HDAC11: variants seen among roughly 807,000 people sequenced by gnomAD.
The protein encoded by HDAC11 is histone deacetylase 11.
Under a neutral mutation model 41.1 loss-of-function variants are expected in HDAC11, and 23 were observed. The ratio of observed to expected loss-of-function variants is 0.56; its 90% CI spans 0.40 to 0.79. The LOEUF is 0.79. HDAC11 is among the 30% of genes least tolerant of loss of function. The probability of loss-of-function intolerance (pLI) is 0.00; values close to 1 mark genes in which losing one functional copy is unlikely to be tolerated. For missense variants in HDAC11, 402 were observed against 477.3 expected, an observed-to-expected ratio of 0.84 and a Z score of 1.47; for synonymous variants, 187 against 186.6, an observed-to-expected ratio of 1.00 and a Z score of -0.02.
intron 4 of HDAC11, 97 bp from the exon 5 acceptor site, chr3:13,498,416 C>A: frequency 1.4e-6 from 2 of 1,473,872 alleles, no homozygotes; most frequent in Non-Finnish European, 1.9e-6. Flanking sequence ...CCAGAGCTGG[C>A]TAGAAGCAGT....
intron 1 of HDAC11, 159 bp from the exon 2 acceptor site, chr3:13,481,087 C>T (rs1701293435): frequency 5.4e-6 from 4 of 735,646 alleles, no homozygotes; most frequent in East Asian, 2.7e-5. Flanking sequence ...CCGGGAAAGG[C>T]AGCCAGTTTA....
chr3:13,484,970 C>T (rs1327789092), intron 3 of HDAC11, among the ~76,000 whole-genome samples: 1 of 152,160 alleles, frequency 6.6e-6, no homozygotes, highest in Non-Finnish European at 1.5e-5. Flanking sequence ...AGTGTGGGAG[C>T]CCTGACCCCC....
chr3:13,503,164 A>C, intron 8 of HDAC11, 184 bp downstream of exon 8: 1 of 502,574 alleles, frequency 2.0e-6, no homozygotes, highest in Non-Finnish European at 3.6e-6. Flanking sequence ...GACCCACCCA[A>C]GATCACATAA....
At position 13,504,084 on chromosome 3, in the gene HDAC11, T is replaced by G. The variant is rs1355199439; in HGVS notation, c.650-10T>G. On this transcript the variant is annotated splice_polypyrimidine_tract_variant and intron_variant, in intron 8 of 9. Transcript: ENST00000295757. ...TCTATAAATTGAGGCCATCCATGTCTCTCTCCCAGAGGCCATCAGGCGGAA... is the reference window on the plus strand; with the variant it reads ...TCTATAAATTGAGGCCATCCATGTCGCTCTCCCAGAGGCCATCAGGCGGAA... 6.2e-7 allele frequency: 1 copy of G among 1,613,354 alleles called. No individual in the cohort carries two copies. The highest frequency in any genetic ancestry group is 8.5e-7 in the Non-Finnish European group (1 of 1,179,694).
At chr3:13,498,432 T>C (rs1702205362) in intron 4 of HDAC11, 81 bp from the exon 5 acceptor site, 8 of 1,552,016 alleles carry the variant, frequency 5.2e-6, no homozygotes, top group South Asian at 3.3e-5. Context: ...GCAGTGTTTA[T>C]GGAATGAGTG....
chr3:13,482,450 C>T (rs1007369668), intron 2 of HDAC11, among the ~76,000 whole-genome samples: 4 of 152,158 alleles, frequency 2.6e-5, no homozygotes, highest in Non-Finnish European at 5.9e-5. Context: ...GCAGGTGTTG[C>T]GAGGCCATGC....
intron 3 of HDAC11, among the ~76,000 whole-genome samples, chr3:13,495,737 T>G (rs955694760): frequency 6.6e-6 from 1 of 152,160 alleles, no homozygotes; most frequent in Non-Finnish European, 1.5e-5. Flanking sequence ...ACCCACCTTC[T>G]CTAGATCATG....
intron 2 of HDAC11, among the ~76,000 whole-genome samples, chr3:13,481,747 A>C (rs868069617): frequency 5.0e-4 from 76 of 152,132 alleles, no homozygotes; most frequent in African/African-American, 1.7e-3. Context: ...CCTCCACCGC[A>C]CCTCTCTTGA....
In HDAC11 at chr3:13,504,725, C is replaced by A. The variant is rs776640607; in HGVS notation, c.*42C>A. On this transcript the variant is annotated 3_prime_UTR_variant, in exon 10 of 10. Coordinates refer to ENST00000295757, the MANE Select transcript of HDAC11 (RefSeq NM_024827.4). ...TGTCACGTGGCCCTGCCTATCCGCC[C>A]CTTAGTGCTTTTTGTTTTCTAACCT... 2 of 1,555,208 alleles carry A rather than the reference C, an allele frequency of 1.3e-6. No individual in the cohort carries two copies. The highest frequency in any genetic ancestry group is 1.8e-6 in the Non-Finnish European group (2 of 1,128,488).
chr3:13,483,663 G>T (rs1385879704), intron 3 of HDAC11, 99 bp downstream of exon 3: 1 of 842,310 alleles, frequency 1.2e-6, no homozygotes, highest in East Asian at 2.4e-5. Context: ...GGGAAGCCAA[G>T]TCTCACAGGG....
Position 13,504,750 on chromosome 3 carries a change from T to C in HDAC11, c.*67T>C, listed in dbSNP as rs888427302. On this transcript the variant is annotated 3_prime_UTR_variant, in exon 10 of 10. Coordinates refer to ENST00000295757, the MANE Select transcript of HDAC11 (RefSeq NM_024827.4). ...CCTTAGTGCTTTTTGTTTTCTAACCTCATGGGGTGGTGGAGGCAGCCTTCA... is the reference window on the plus strand; with the variant it reads ...CCTTAGTGCTTTTTGTTTTCTAACCCCATGGGGTGGTGGAGGCAGCCTTCA... The C allele has an allele frequency of 7.1e-6, 10 of 1,407,686 alleles. No individual in the cohort carries two copies. The African/African-American group carries it at 1.4e-4, about 20-fold the overall frequency. 87.2% of individuals were successfully genotyped at this position (1,407,686 alleles called of 1,614,324 possible).
Position 13,504,182 on chromosome 3 carries a change from C to G in HDAC11, c.738C>G (p.Leu246=). 6.2e-7 allele frequency: 1 copy of G among 1,614,032 alleles called. No homozygotes were observed. ...DKVERNIKKS[L]QEHLPDVVVY... Reference sequence around the variant, plus strand: ...TGGAGAGGAACATCAAGAAATCCCTCCAGGAGCACCTGCCCGACGTGGTGG... The same window carrying G: ...TGGAGAGGAACATCAAGAAATCCCTGCAGGAGCACCTGCCCGACGTGGTGG... Residue 246 remains leucine, a synonymous_variant, in exon 9 of 10, where the codon CTC becomes CTG. Transcript: ENST00000295757.
At chr3:13,483,128 T>A (rs903278907) in intron 2 of HDAC11, among the ~76,000 whole-genome samples, 7 of 151,378 alleles carry the variant, frequency 4.6e-5, no homozygotes, top group South Asian at 2.1e-4. Flanking sequence ...TAAGAAGAGT[T>A]TTTCTCACTC....
At chr3:13,485,991 G>C (rs1225073561) in intron 3 of HDAC11, among the ~76,000 whole-genome samples, 1 of 79,900 alleles carries the variant, frequency 1.3e-5, no homozygotes, top group Non-Finnish European at 3.7e-5. Flanking sequence ...AAGTAGGCCG[G>C]GTGCAGTGAC....
At chr3:13,481,918 C>T (rs184738141) in intron 2 of HDAC11, among the ~76,000 whole-genome samples, 6 of 152,314 alleles carry the variant, frequency 3.9e-5, no homozygotes, top group Non-Finnish European at 8.8e-5. Flanking sequence ...ATTTTTCTGC[C>T]TCAGCCTCCC....
chr3:13,504,377 A>G, intron 9 of HDAC11, 91 bp from the exon 10 acceptor site: 1 of 1,582,732 alleles, frequency 6.3e-7, no homozygotes, highest in South Asian at 1.1e-5. Context: ...CTGAAGCAAC[A>G]GCAGTTTGGA....
At chr3:13,483,606 G>A (rs1187136432) in intron 3 of HDAC11, 42 bp downstream of exon 3, 1 of 1,512,298 alleles carries the variant, frequency 6.6e-7, no homozygotes, top group Non-Finnish European at 9.2e-7. Context: ...CCTGGGGCAG[G>A]GGGCTGCTGG....
At position 13,504,017 on chromosome 3, in the gene HDAC11, G is replaced by C. The variant is rs751781026; in HGVS notation, c.650-77G>C. ...ATCTGACAGACCAGTTTCCAGTCTT[G>C]CCTGGTGTCCACAGTCTTGTCCTGA... On this transcript the variant is annotated intron_variant, in intron 8 of 9. Transcript: ENST00000295757. 1.7e-4 allele frequency: 233 copies of C among 1,366,322 alleles called. 2 individuals carry two copies. Among genetic ancestry groups the C allele is most frequent in the Non-Finnish European group, 2.0e-4 (193 of 982,416 alleles). 84.6% of individuals were successfully genotyped at this position (1,366,322 alleles called of 1,614,324 possible).
chr3:13,482,117 G>A (rs1054154811), intron 2 of HDAC11, among the ~76,000 whole-genome samples: 1 of 152,220 alleles, frequency 6.6e-6, no homozygotes, highest in Non-Finnish European at 1.5e-5. Context: ...AAGAGGCGGA[G>A]TTGGGTTTGG....
Sources: gnomAD v4.1 joint callset for allele counts (sites outside exome capture counted in the v4.1 genomes callset) on GRCh38, gnomAD v4.1.1 for gene constraint, MANE v1.5 for transcripts, NCBI Gene and HGNC (gene_info 2026-07-23, HGNC 2026-07-21) for gene names.